The following HPSE2 variants were observed in gnomAD, a reference collection of about 807,000 sequenced individuals.
HPSE2 encodes the protein inactive heparanase-2.
Under a neutral mutation model 60.5 loss-of-function variants are expected in HPSE2, and 38 were observed. The observed-to-expected ratio is 0.63, with a 90% CI of 0.48 to 0.82. The LOEUF is 0.82. Ranked by LOEUF, HPSE2 falls within the 40% of genes least tolerant of loss-of-function variation. The pLI is 0.00. For synonymous variants in HPSE2, 295 were observed against 293.2 expected (o/e 1.01, Z -0.06); for missense variants, 713 against 740.4 (o/e 0.96, Z 0.43).
chr10:99,158,742 A>G (rs1454814110), intron 2 of HPSE2, among the ~76,000 whole-genome samples: 1 of 151,792 alleles, frequency 6.6e-6, no homozygotes, highest in East Asian at 1.9e-4. Flanking sequence ...AACTTAAAGT[A>G]TAATTAAAAA....
Position 99,149,866 on chromosome 10 carries a change from T to A in HPSE2, c.449-5467A>T, listed in dbSNP as rs547784196. On this transcript the variant is annotated intron_variant, in intron 2 of 11. Coordinates refer to ENST00000370552, the MANE Select transcript of HPSE2 (RefSeq NM_021828.5). ...AAAAATTAAAAACCCTATGCTTGTT[T>A]TTTTTTTTTCTCCTGGTACACCAAA... 3.3e-5 allele frequency among the ~76,000 whole-genome samples: 5 copies of A among 152,066 alleles called. No homozygotes were observed. In the South Asian group the frequency reaches 1.0e-3, roughly 32 times the overall value.
At chr10:99,204,596 T>C (rs939441947) in intron 2 of HPSE2, among the ~76,000 whole-genome samples, 2 of 152,126 alleles carry the variant, frequency 1.3e-5, no homozygotes, top group African/African-American at 2.4e-5. Flanking sequence ...GCCTGATAAA[T>C]AATTTAAAGT....
intron 2 of HPSE2, among the ~76,000 whole-genome samples, chr10:99,191,410 CAG>C (rs1050906094): frequency 2.0e-5 from 3 of 152,022 alleles, no homozygotes; most frequent in African/African-American, 7.2e-5. Flanking sequence ...CAGCTCAGCA[CAG>C]AGAGACACAG....
At chr10:98,559,004 C>T (rs1420284535) in intron 9 of HPSE2, among the ~76,000 whole-genome samples, 2 of 152,034 alleles carry the variant, frequency 1.3e-5, no homozygotes, top group Admixed American at 6.6e-5. Context: ...GTTTGTGTCC[C>T]TGGGAATCGA....
At chr10:99,098,743 G>C (rs755697836) in intron 3 of HPSE2, among the ~76,000 whole-genome samples, 6 of 152,048 alleles carry the variant, frequency 3.9e-5, no homozygotes, top group South Asian at 2.1e-4. Context: ...CTTCACTTAT[G>C]ATAATTATTT....
At chr10:98,480,490 A>G (rs1000997521) in intron 11 of HPSE2, among the ~76,000 whole-genome samples, 20 of 152,132 alleles carry the variant, frequency 1.3e-4, no homozygotes, top group African/African-American at 4.3e-4. Context: ...CAGTCCCTTT[A>G]GTCACCCTTA....
At chr10:98,898,957 A>T (rs924584036) in intron 3 of HPSE2, among the ~76,000 whole-genome samples, 2 of 152,268 alleles carry the variant, frequency 1.3e-5, no homozygotes, top group African/African-American at 4.8e-5. Context: ...GCAAACTTTG[A>T]TCCATAACTC....
chr10:98,534,360 C>T (rs1943218693), intron 9 of HPSE2, among the ~76,000 whole-genome samples: 1 of 152,066 alleles, frequency 6.6e-6, no homozygotes, highest in African/African-American at 2.4e-5. Flanking sequence ...TTTTTCACCC[C>T]AACTGAAATT....
chr10:99,209,406 G>C (rs1048887405), intron 2 of HPSE2, among the ~76,000 whole-genome samples: 3 of 152,030 alleles, frequency 2.0e-5, no homozygotes, highest in African/African-American at 7.2e-5. Flanking sequence ...GATCAATGGA[G>C]AAATTAAAAG....
intron 6 of HPSE2, among the ~76,000 whole-genome samples, chr10:98,674,531 C>T (rs1345765285): frequency 1.3e-5 from 2 of 152,248 alleles, no homozygotes; most frequent in Non-Finnish European, 2.9e-5. Flanking sequence ...ATAGTTTACA[C>T]CATTGGCATG....
intron 2 of HPSE2, among the ~76,000 whole-genome samples, chr10:99,211,944 A>G (rs1848965530): frequency 1.3e-5 from 2 of 152,170 alleles, no homozygotes; most frequent in Admixed American, 6.5e-5. Context: ...TTTGCAAACC[A>G]CACATCTGAT....
chr10:99,104,172 G>A (rs1347743319), intron 3 of HPSE2, among the ~76,000 whole-genome samples: 8 of 152,128 alleles, frequency 5.3e-5, no homozygotes, highest in Admixed American at 5.2e-4. Flanking sequence ...CACAGCAAAA[G>A]AAACTACCAT....
chr10:98,744,078 C>T, intron 3 of HPSE2, 22 bp from the exon 4 acceptor site: 1 of 1,610,044 alleles, frequency 6.2e-7, no homozygotes, highest in Non-Finnish European at 8.5e-7. Flanking sequence ...CAGAGAAAGG[C>T]TTGTAACTTT....
At chr10:98,971,912 T>C (rs1017983170) in intron 3 of HPSE2, among the ~76,000 whole-genome samples, 1 of 152,168 alleles carries the variant, frequency 6.6e-6, no homozygotes, top group African/African-American at 2.4e-5. Context: ...AAGGTTCCTA[T>C]ACCCCCTACT....
chr10:99,166,553 T>C (rs985310497), intron 2 of HPSE2, among the ~76,000 whole-genome samples: 4 of 152,210 alleles, frequency 2.6e-5, no homozygotes, highest in African/African-American at 9.6e-5. Flanking sequence ...TTGTTCAACT[T>C]CTAATAGATT....
intron 11 of HPSE2, among the ~76,000 whole-genome samples, chr10:98,480,256 AT>A (rs531665113): frequency 6.6e-6 from 1 of 151,416 alleles, no homozygotes; most frequent in Non-Finnish European, 1.5e-5. Flanking sequence ...TAATTTTTGT[AT>A]TTTTTTTGTA....
chr10:98,904,248 C>T (rs1953747593), intron 3 of HPSE2, among the ~76,000 whole-genome samples: 1 of 151,726 alleles, frequency 6.6e-6, no homozygotes, highest in Non-Finnish European at 1.5e-5. Context: ...CTGAGAATAA[C>T]AGATGGAATT....
At chr10:98,930,455 T>C (rs1954612772) in intron 3 of HPSE2, among the ~76,000 whole-genome samples, 1 of 144,666 alleles carries the variant, frequency 6.9e-6, no homozygotes, top group Non-Finnish European at 1.5e-5. Flanking sequence ...TAAGTGTGCA[T>C]GTATCTTTAT....
intron 2 of HPSE2, among the ~76,000 whole-genome samples, chr10:99,149,568 T>C (rs1589733140): frequency 6.6e-6 from 1 of 152,206 alleles, no homozygotes; most frequent in Non-Finnish European, 1.5e-5. Context: ...TTAATTGTAA[T>C]GAACTTATCA....
Sources: gnomAD v4.1 joint callset for allele counts (sites outside exome capture counted in the v4.1 genomes callset) on GRCh38, gnomAD v4.1.1 for gene constraint, MANE v1.5 for transcripts, NCBI Gene and HGNC (gene_info 2026-07-23, HGNC 2026-07-21) for gene names.